CDKAL1: variants seen among roughly 807,000 people sequenced by gnomAD.
The protein encoded by CDKAL1 is CDKAL1 threonylcarbamoyladenosine tRNA methylthiotransferase.
In CDKAL1, 32 loss-of-function variants were observed where a neutral mutation model predicts 68.2. The observed-to-expected ratio is 0.47, with a 90% CI of 0.35 to 0.63. CDKAL1 has a LOEUF of 0.63. Among genes scored for constraint, CDKAL1 ranks in the 30% least tolerant of loss-of-function variants. The pLI, the probability that CDKAL1 is intolerant of heterozygous loss-of-function variation, is 0.00. For missense variants in CDKAL1, 606 were observed against 696.7 expected, an observed-to-expected ratio of 0.87 and a Z score of 1.47; for synonymous variants, 234 against 244.3, an observed-to-expected ratio of 0.96 and a Z score of 0.39.
At chr6:20,761,168 C>T (rs1007067561) in intron 7 of CDKAL1, among the ~76,000 whole-genome samples, 3 of 152,144 alleles carry the variant, frequency 2.0e-5, no homozygotes, top group South Asian at 4.1e-4. Context: ...TGTTTGACAT[C>T]GTATGTCTGT....
chr6:20,888,706 T>C (rs985888851), intron 9 of CDKAL1, among the ~76,000 whole-genome samples: 1 of 152,060 alleles, frequency 6.6e-6, no homozygotes, highest in Non-Finnish European at 1.5e-5. Flanking sequence ...GAACTCATCA[T>C]TTTTTATGGC....
At chr6:20,726,009 C>A (rs1477546242) in intron 5 of CDKAL1, among the ~76,000 whole-genome samples, 2 of 151,808 alleles carry the variant, frequency 1.3e-5, no homozygotes, top group Non-Finnish European at 2.9e-5. Flanking sequence ...ATATTTTACC[C>A]TAAAATACGT....
At chr6:20,636,323 G>A (rs1767902937) in intron 4 of CDKAL1, among the ~76,000 whole-genome samples, 1 of 151,978 alleles carries the variant, frequency 6.6e-6, no homozygotes, top group Non-Finnish European at 1.5e-5. Context: ...TTGGAGTCTT[G>A]GATCTTCTAT....
At chr6:20,874,497 A>G (rs188461935) in intron 9 of CDKAL1, among the ~76,000 whole-genome samples, 4 of 150,360 alleles carry the variant, frequency 2.7e-5, no homozygotes, top group South Asian at 2.1e-4. Context: ...TATTTTATTT[A>G]TTTGTTTGTT....
intron 4 of CDKAL1, among the ~76,000 whole-genome samples, chr6:20,588,699 C>G (rs1765474100): frequency 6.6e-6 from 1 of 152,136 alleles, no homozygotes; most frequent in African/African-American, 2.4e-5. Flanking sequence ...TAAAATTATA[C>G]TTTCAAACTT....
chr6:20,836,780 G>A (rs530638737), intron 8 of CDKAL1, among the ~76,000 whole-genome samples: 31 of 152,194 alleles, frequency 2.0e-4, no homozygotes, highest in Admixed American at 1.9e-3. Flanking sequence ...TCACTGAATT[G>A]ATAGGGATTC....
At chr6:20,855,121 G>A (rs1759255185) in intron 9 of CDKAL1, among the ~76,000 whole-genome samples, 1 of 152,142 alleles carries the variant, frequency 6.6e-6, no homozygotes, top group Non-Finnish European at 1.5e-5. Flanking sequence ...GTTTCTGAAA[G>A]TTATATATTT....
intron 4 of CDKAL1, among the ~76,000 whole-genome samples, chr6:20,580,795 C>T (rs1561940445): frequency 6.9e-6 from 1 of 144,416 alleles, no homozygotes; most frequent in African/African-American, 2.5e-5. Context: ...TGGCACTTTA[C>T]TTTTTTTTTT....
At chr6:21,065,605 G>A (rs1582128153) in intron 12 of CDKAL1, among the ~76,000 whole-genome samples, 2 of 148,378 alleles carry the variant, frequency 1.3e-5, no homozygotes, top group Non-Finnish European at 3.0e-5. Flanking sequence ...TCTTTTCATA[G>A]TTTGTTATTG....
At chr6:20,563,243 T>C (rs1046792335) in intron 4 of CDKAL1, among the ~76,000 whole-genome samples, 1 of 152,154 alleles carries the variant, frequency 6.6e-6, no homozygotes, top group Non-Finnish European at 1.5e-5. Flanking sequence ...GGAAGTTCAT[T>C]ATTAGCTAGC....
At chr6:20,686,015 A>T (rs900490225) in intron 5 of CDKAL1, among the ~76,000 whole-genome samples, 3 of 152,098 alleles carry the variant, frequency 2.0e-5, no homozygotes, top group Admixed American at 6.5e-5. Context: ...TGGTATTTGG[A>T]AAAGCAGTTG....
chr6:21,056,934 T>C (rs1010765319), intron 11 of CDKAL1, among the ~76,000 whole-genome samples: 1 of 152,342 alleles, frequency 6.6e-6, no homozygotes, highest in South Asian at 2.1e-4. Flanking sequence ...CAGTATTTTA[T>C]TGAGGATTTT....
chr6:20,743,563 G>C (rs139906562), intron 6 of CDKAL1, among the ~76,000 whole-genome samples: 42 of 152,286 alleles, frequency 2.8e-4, no homozygotes, highest in African/African-American at 9.9e-4. Flanking sequence ...GGGGCATTTA[G>C]TTTAGTAATC....
At chr6:20,599,811 AATGTTAACTCCTTGGGTAG>A (rs1766004059) in intron 4 of CDKAL1, among the ~76,000 whole-genome samples, 1 of 152,164 alleles carries the variant, frequency 6.6e-6, no homozygotes, top group Non-Finnish European at 1.5e-5. Context: ...TACTGAGCAA[AATGTTAACTCCTTGGGTAG>A]CATGTGTGAC....
chr6:20,575,464 AAAGC>A (rs1181958276), intron 4 of CDKAL1, among the ~76,000 whole-genome samples: 1 of 146,148 alleles, frequency 6.8e-6, no homozygotes, highest in African/African-American at 2.5e-5. Context: ...AAAAAAAAAG[AAAGC>A]AAACTGCTTT....
intron 10 of CDKAL1, among the ~76,000 whole-genome samples, chr6:20,980,910 A>G (rs946251904): frequency 6.6e-6 from 1 of 152,204 alleles, no homozygotes; most frequent in African/African-American, 2.4e-5. Context: ...CCCTTTGCCC[A>G]TTTGAAGACT....
At chr6:20,643,740 A>G (rs1267374169) in intron 4 of CDKAL1, among the ~76,000 whole-genome samples, 2 of 152,232 alleles carry the variant, frequency 1.3e-5, no homozygotes, top group Non-Finnish European at 2.9e-5. Context: ...AGTTTAGGGT[A>G]TTATCTTTTT....
At chr6:20,613,754 T>C (rs1472083713) in intron 4 of CDKAL1, among the ~76,000 whole-genome samples, 1 of 151,654 alleles carries the variant, frequency 6.6e-6, no homozygotes, top group Non-Finnish European at 1.5e-5. Flanking sequence ...ACAAAACTGC[T>C]ACAGTGATAC....
intron 8 of CDKAL1, among the ~76,000 whole-genome samples, chr6:20,820,721 G>A (rs1777242413): frequency 6.6e-6 from 1 of 151,622 alleles, no homozygotes; most frequent in Non-Finnish European, 1.5e-5. Context: ...CTTTTATAAG[G>A]TAGTAGTACT....
Sources: allele counts gnomAD v4.1 joint callset (sites outside exome capture counted in the v4.1 genomes callset), GRCh38; gene constraint gnomAD v4.1.1; transcripts MANE v1.5; gene names NCBI Gene and HGNC (gene_info 2026-07-23, HGNC 2026-07-21).